PDE2A: variants seen among roughly 807,000 people sequenced by gnomAD.
PDE2A encodes phosphodiesterase 2A, also known as cGMP-dependent 3',5'-cyclic phosphodiesterase.
PDE2A carries 53 observed loss-of-function variants against 133.6 expected under a neutral mutation model. That is an observed-to-expected ratio of 0.40 (90% CI 0.32 to 0.50). The LOEUF is 0.50. Ranked by LOEUF, PDE2A falls within the 20% of genes least tolerant of loss-of-function variation. PDE2A has a pLI of 0.73. For synonymous variants in PDE2A, 491 were observed against 490.2 expected, an observed-to-expected ratio of 1.00 and a Z score of -0.02; for missense variants, 796 against 1,232.4, an observed-to-expected ratio of 0.65 and a Z score of 5.30.
At chr11:72,633,142 C>T (rs1858503719) in intron 2 of PDE2A, among the ~76,000 whole-genome samples, 2 of 152,162 alleles carry the variant, frequency 1.3e-5, no homozygotes, top group Non-Finnish European at 2.9e-5. Context: ...AGAACCAGGG[C>T]TTCTGATTCC....
chr11:72,587,412 T>C (rs370085752), intron 13 of PDE2A, among the ~76,000 whole-genome samples: 2 of 152,330 alleles, frequency 1.3e-5, no homozygotes, highest in South Asian at 2.1e-4. Flanking sequence ...CATGCAGTCA[T>C]TCAACACTCA....
rs1354777730 is a variant in PDE2A, at chr11:72,644,733, ATTTTATTTTATTT to A, written c.72-2420_72-2408del. 1.4e-4 allele frequency among the ~76,000 whole-genome samples: 3 copies of A among 21,394 alleles called. No individual in the cohort carries two copies. In the East Asian group the frequency reaches 1.8e-3, roughly 13 times the overall value. The allele number at this position is 21,394 out of a possible 152,430, so 14.0% of individuals were successfully genotyped here. A position where few individuals can be genotyped will look rare whatever the true frequency, so the allele number is the denominator to read the frequency against. ...CTTGAGAAGTTATTTTATTTATTTT[ATTTTATTTTATTT>A]TATTTTATTTTATTTTATTTTATTT... On this transcript the variant is annotated intron_variant, in intron 1 of 30. Transcript: ENST00000334456.
chr11:72,582,148 A>C (rs1005738163), intron 21 of PDE2A: 2 of 610,384 alleles, frequency 3.3e-6, no homozygotes, highest in Non-Finnish European at 2.9e-6. Context: ...TCTTGAAACC[A>C]AGCCCACACA....
At chr11:72,650,655 G>C (rs1274063966) in intron 1 of PDE2A, among the ~76,000 whole-genome samples, 1 of 151,814 alleles carries the variant, frequency 6.6e-6, no homozygotes, top group African/African-American at 2.4e-5. Flanking sequence ...GGAGTCCCAT[G>C]GAGATGCCTC....
At chr11:72,618,848 G>C (rs778883221) in intron 2 of PDE2A, among the ~76,000 whole-genome samples, 12 of 128,060 alleles carry the variant, frequency 9.4e-5, no homozygotes, top group Non-Finnish European at 1.5e-4. Context: ...GCTGAGGCAG[G>C]CTGTCATACA....
chr11:72,590,406 C>T lies in PDE2A; in HGVS notation c.703+21G>A. The T allele has an allele frequency of 6.3e-7, 1 of 1,576,198 alleles. No individual in the cohort carries two copies. Among genetic ancestry groups the T allele is most frequent in the Non-Finnish European group, 8.6e-7 (1 of 1,161,822 alleles). On this transcript the variant is annotated intron_variant, in intron 8 of 30. Coordinates refer to ENST00000334456, the MANE Select transcript of PDE2A (RefSeq NM_002599.5). This position sits in a 1 kb window ranked among gnomAD's most constrained non-coding sequence, Gnocchi z 4.8. ...TTCTGCCCGGCCCCGCCCTCGTGAC[C>T]TGTCCAGGCCGGGCCCTCACCGCAC...
rs773556072 is a variant in PDE2A, at chr11:72,610,573, C to T, written c.145-1822G>A. ...CTCCCCAGATGCTTACTCAGCATCG[C>T]TTTCCCCAACCCCCAGGCTTCCTTG... On this transcript the variant is annotated intron_variant, in intron 2 of 30. Coordinates refer to ENST00000334456, the MANE Select transcript of PDE2A (RefSeq NM_002599.5). Among the ~76,000 whole-genome samples the T allele has an allele frequency of 3.2e-4, 49 of 152,290 alleles. No homozygotes were observed. In the Middle Eastern group the frequency reaches 0.014, roughly 42 times the overall value.
intron 25 of PDE2A, among the ~76,000 whole-genome samples, chr11:72,580,125 G>A (rs188131311): frequency 6.6e-6 from 1 of 152,244 alleles, no homozygotes; most frequent in Admixed American, 6.5e-5. Flanking sequence ...AGCAGGGGCA[G>A]CCTCTGGAGG....
intron 2 of PDE2A, among the ~76,000 whole-genome samples, chr11:72,614,341 G>A (rs577675835): frequency 1.3e-5 from 2 of 152,332 alleles, no homozygotes; most frequent in East Asian, 1.9e-4. Context: ...CAACCCTTGG[G>A]AGGCTTAGTC....
At chr11:72,612,898 C>T (rs1047791823) in intron 2 of PDE2A, among the ~76,000 whole-genome samples, 10 of 152,226 alleles carry the variant, frequency 6.6e-5, no homozygotes, top group Non-Finnish European at 1.5e-4. Flanking sequence ...GTCAGGCCTC[C>T]TCTGAAGCCA....
intron 2 of PDE2A, among the ~76,000 whole-genome samples, chr11:72,625,990 G>A (rs1036506668): frequency 1.3e-5 from 2 of 152,236 alleles, no homozygotes; most frequent in African/African-American, 4.8e-5. Context: ...GCCCGGGGCC[G>A]CAGCATCTGG....
chr11:72,579,222 T>C (rs1855603049), intron 27 of PDE2A, 62 bp downstream of exon 27: 1 of 1,305,618 alleles, frequency 7.7e-7, no homozygotes, highest in South Asian at 1.2e-5. Flanking sequence ...AATGCTCCCC[T>C]GGCAAATCCT....
At chr11:72,633,824 C>G (rs182753473) in intron 2 of PDE2A, among the ~76,000 whole-genome samples, 1 of 152,096 alleles carries the variant, frequency 6.6e-6, no homozygotes, top group Non-Finnish European at 1.5e-5. Flanking sequence ...AGCCCCCTAC[C>G]GCATTTCTGT....
At chr11:72,660,898 G>C (rs1273656353) in intron 1 of PDE2A, among the ~76,000 whole-genome samples, 1 of 152,056 alleles carries the variant, frequency 6.6e-6, no homozygotes, top group African/African-American at 2.4e-5. Flanking sequence ...GGCCAGCTCT[G>C]GGAAGGAGGG....
Position 72,631,230 on chromosome 11 carries a change from C to A in PDE2A, c.144+11024G>T, listed in dbSNP as rs562715844. On this transcript the variant is annotated intron_variant, in intron 2 of 30. Transcript: ENST00000334456. ...CTCCCATTAGCCCCCAGCAAGCCCA[C>A]GGATGGCCCCCTCCTCCAGGGAGCC... is the stretch of plus-strand genomic sequence containing the variant. 1.7e-4 allele frequency: 168 copies of A among 987,382 alleles called. 1 individual carries two copies. In the Middle Eastern group the frequency reaches 5.1e-3, roughly 30 times the overall value. The allele number at this position is 987,382 out of a possible 1,614,324, so 61.2% of individuals were successfully genotyped here.
chr11:72,630,281 C>T (rs184282815), intron 2 of PDE2A, among the ~76,000 whole-genome samples: 44 of 152,290 alleles, frequency 2.9e-4, no homozygotes, highest in African/African-American at 9.9e-4. Flanking sequence ...ACAAGGCAGA[C>T]ACACATACAG....
At position 72,590,881 on chromosome 11, in the gene PDE2A, G is replaced by A. The variant is rs1421426720; in HGVS notation, c.550-301C>T. 1 of 379,444 alleles carries A rather than the reference G, an allele frequency of 2.6e-6. No individual in the cohort carries two copies. The highest frequency in any genetic ancestry group is 4.7e-6 in the Non-Finnish European group (1 of 215,048). The allele number at this position is 379,444 out of a possible 1,614,324, so 23.5% of individuals were successfully genotyped here. A position where few individuals can be genotyped will look rare whatever the true frequency, so the allele number is the denominator to read the frequency against. On this transcript the variant is annotated intron_variant, in intron 7 of 30. Transcript: ENST00000334456. This position sits in a 1 kb window ranked among gnomAD's most constrained non-coding sequence, Gnocchi z 4.8. ...CTGTCTCCAGCCCCCTCAGGAAGTC[G>A]TAAGTCCTTGTTAAAGTCACAAAAT... is the stretch of plus-strand genomic sequence containing the variant.
chr11:72,620,051 G>A (rs1292673588), intron 2 of PDE2A, among the ~76,000 whole-genome samples: 1 of 152,140 alleles, frequency 6.6e-6, no homozygotes, highest in Non-Finnish European at 1.5e-5. Context: ...AGGGAGAGTG[G>A]GCTCAGTTTC....
intron 1 of PDE2A, among the ~76,000 whole-genome samples, chr11:72,670,485 T>TTTCACACGTACAGC (rs1324486027): frequency 6.6e-6 from 1 of 152,152 alleles, no homozygotes; most frequent in Non-Finnish European, 1.5e-5. Flanking sequence ...AGACCCTCCC[T>TTTCACACGTACAGC]TTCACACGTA....
Sources: gnomAD v4.1 joint callset for allele counts (sites outside exome capture counted in the v4.1 genomes callset) on GRCh38, gnomAD v4.1.1 for gene constraint, Gnocchi (gnomAD v3.1) non-coding constraint, MANE v1.5 for transcripts, NCBI Gene and HGNC (gene_info 2026-07-23, HGNC 2026-07-21) for gene names.